CHSY1: variants seen among roughly 807,000 people sequenced by gnomAD.
The protein encoded by CHSY1 is chondroitin sulfate synthase 1, also known as N-acetylgalactosaminyl-proteoglycan 3-beta-glucuronosyltransferase 1.
CHSY1 carries 13 observed loss-of-function variants against 59.8 expected under a neutral mutation model. The observed-to-expected ratio is 0.22, with a 90% CI of 0.14 to 0.35. CHSY1 has a LOEUF of 0.35. Among genes scored for constraint, CHSY1 ranks in the 10% least tolerant of loss-of-function variants. The pLI, the probability that CHSY1 is intolerant of heterozygous loss-of-function variation, is 1.00. For missense variants in CHSY1, 947 were observed against 1,030.6 expected (o/e 0.92, Z 1.11); for synonymous variants, 459 against 401.2 (o/e 1.14, Z -1.72).
intron 2 of CHSY1, 68 bp downstream of exon 2, chr15:101,235,014 T>C: frequency 6.3e-7 from 1 of 1,581,078 alleles, no homozygotes; most frequent in Non-Finnish European, 8.6e-7. Flanking sequence ...TTTCCTATGA[T>C]ACGCTCAGAA....
chr15:101,183,877 C>T lies in CHSY1; in HGVS notation c.817-4897G>A, dbSNP rs141419044. ...AGGAAACAGCTGATGATGACAGACA[C>T]GATATGTTACACATGGTAAACGGCA... On this transcript the variant is annotated intron_variant, in intron 2 of 2. Coordinates refer to ENST00000254190, the MANE Select transcript of CHSY1 (RefSeq NM_014918.5). 4.9e-4 allele frequency among the ~76,000 whole-genome samples: 74 copies of T among 152,294 alleles called. 1 individual carries two copies. Among genetic ancestry groups the T allele is most frequent in the South Asian group, 1.9e-3 (9 of 4,830 alleles).
At chr15:101,231,835 A>G (rs534935355) in intron 2 of CHSY1, among the ~76,000 whole-genome samples, 2 of 152,200 alleles carry the variant, frequency 1.3e-5, no homozygotes, top group Non-Finnish European at 2.9e-5. Flanking sequence ...ATGAATTCCT[A>G]TTTCAAAATT....
intron 2 of CHSY1, among the ~76,000 whole-genome samples, chr15:101,190,820 A>C (rs1178040454): frequency 6.6e-6 from 1 of 152,270 alleles, no homozygotes; most frequent in Non-Finnish European, 1.5e-5. Flanking sequence ...CAGATGGTAG[A>C]AAAAAGCATG....
intron 2 of CHSY1, among the ~76,000 whole-genome samples, chr15:101,185,596 C>T (rs1482334416): frequency 6.6e-6 from 1 of 152,060 alleles, no homozygotes; most frequent in Non-Finnish European, 1.5e-5. Context: ...CATGTGACCA[C>T]ATCAAGAGAT....
Position 101,178,327 on chromosome 15 carries a change from T to C in CHSY1, c.1470A>G (p.Ala490=), listed in dbSNP as rs750680484. 6.2e-7 allele frequency: 1 copy of C among 1,608,408 alleles called. No homozygotes were observed. The highest frequency in any genetic ancestry group is 1.7e-5 in the Admixed American group (1 of 59,790). The part of the protein sequence containing the change: ...IQFVEHEELD[A]QELAKRINQE... ...GATTGATTCTCTTGGCCAACTCTTGTGCATCCAGCTCCTCATGCTCCACAA... is the reference window on the plus strand; with the variant it reads ...GATTGATTCTCTTGGCCAACTCTTGCGCATCCAGCTCCTCATGCTCCACAA... The change falls in exon 3 of 3, where the codon GCA becomes GCG. Residue 490 remains alanine, a synonymous_variant. Transcript: ENST00000254190.
At chr15:101,198,353 C>T (rs1367777626) in intron 2 of CHSY1, among the ~76,000 whole-genome samples, 1 of 152,270 alleles carries the variant, frequency 6.6e-6, no homozygotes, top group Admixed American at 6.5e-5. Flanking sequence ...AAAGCCATCC[C>T]GTTACTGGAC....
In CHSY1 at chr15:101,235,516, A is replaced by T. The variant is rs377679360; in HGVS notation, c.382T>A (p.Ser128Thr). 3.3e-5 allele frequency: 54 copies of T among 1,613,804 alleles called. No homozygotes were observed. The highest frequency in any genetic ancestry group is 4.2e-5 in the Non-Finnish European group (50 of 1,179,990). The part of the protein sequence containing the change: ...QFFSSEGSDT[S>T]VPIPVVPLRG... ...AGTGGCACTACTGGAATTGGTACAG[A>T]TGTGTCAGAACCCTCACTTGAGAAG... Residue 128 changes from serine to threonine, a missense_variant, in exon 2 of 3, where the codon TCT becomes ACT. This residue lies in a region of CHSY1 where 232 missense variants were observed against 188.5 expected (regional missense o/e 1.23). Coordinates refer to ENST00000254190, the MANE Select transcript of CHSY1 (RefSeq NM_014918.5).
At chr15:101,226,505 T>C (rs1046206368) in intron 2 of CHSY1, among the ~76,000 whole-genome samples, 9 of 152,328 alleles carry the variant, frequency 5.9e-5, no homozygotes, top group Middle Eastern at 3.4e-3. Flanking sequence ...CAGGCCTATT[T>C]GTGCCCAAAC....
intron 2 of CHSY1, among the ~76,000 whole-genome samples, chr15:101,181,092 C>T (rs1035712340): frequency 1.3e-5 from 2 of 152,222 alleles, no homozygotes; most frequent in African/African-American, 4.8e-5. Flanking sequence ...AAGACGCTCC[C>T]AGGGTCTGGG....
Position 101,251,333 on chromosome 15 carries a change from G to A in CHSY1, c.124C>T (p.Arg42Cys). ...GACCGGCAGCCCTCGGGGCTGGCGC[G>A]GCGCCGTGGGCCCGCTCGCTTCAGC... The part of the protein sequence containing the change: ...SELKRAGPRR[R>C]ASPEGCRSGQ... Residue 42 changes from arginine to cysteine, a missense_variant, in exon 1 of 3, where the codon CGC becomes TGC. Coordinates refer to ENST00000254190, the MANE Select transcript of CHSY1 (RefSeq NM_014918.5). 2 of 1,129,390 alleles carry A rather than the reference G, an allele frequency of 1.8e-6. No homozygotes were observed. The highest frequency in any genetic ancestry group is 2.2e-6 in the Non-Finnish European group (2 of 911,058). The allele number at this position is 1,129,390 out of a possible 1,614,324, so 70.0% of individuals were successfully genotyped here.
At chr15:101,223,215 G>A (rs1330180916) in intron 2 of CHSY1, among the ~76,000 whole-genome samples, 3 of 152,092 alleles carry the variant, frequency 2.0e-5, no homozygotes, top group Non-Finnish European at 2.9e-5. Flanking sequence ...GGCTGGTCCC[G>A]AACTCCTGAT....
intron 2 of CHSY1, among the ~76,000 whole-genome samples, chr15:101,183,857 A>G (rs2038314661): frequency 6.6e-6 from 1 of 152,232 alleles, no homozygotes; most frequent in South Asian, 2.1e-4. Context: ...ACAGAAGGAA[A>G]CAGCTGATGA....
Position 101,177,656 on chromosome 15 carries a change from T to A in CHSY1, c.2141A>T (p.Gln714Leu). 2 of 1,614,196 alleles carry A rather than the reference T, an allele frequency of 1.2e-6. No individual in the cohort carries two copies. Among genetic ancestry groups the A allele is most frequent in the Non-Finnish European group, 1.7e-6 (2 of 1,180,022 alleles). The change falls in exon 3 of 3, where the codon CAA (glutamine) becomes CTA (leucine). Residue 714 changes from glutamine to leucine, a missense_variant. Gln to Leu is a moderately radical substitution (Grantham distance 113). Transcript: ENST00000254190. Reference sequence around the variant, plus strand: ...GTCCACATCCTCCAGCCCCCAGCCTTGGATGGAAACATCAAAGCCACCCAC... The same window carrying A: ...GTCCACATCCTCCAGCCCCCAGCCTAGGATGGAAACATCAAAGCCACCCAC... ...VRVGGFDVSI[Q>L]GWGLEDVDLF...
chr15:101,234,968 AC>A, intron 2 of CHSY1, 113 bp downstream of exon 2: 1 of 1,366,316 alleles, frequency 7.3e-7, no homozygotes, highest in Non-Finnish European at 1.0e-6. Flanking sequence ...GTAGAATAAT[AC>A]CAACTTCAAC....
chr15:101,210,939 A>G (rs2038675988), intron 2 of CHSY1, among the ~76,000 whole-genome samples: 1 of 152,244 alleles, frequency 6.6e-6, no homozygotes, highest in Admixed American at 6.5e-5. Context: ...GAAACAGATG[A>G]TAAGATGTAG....
At chr15:101,185,041 C>A (rs2038337140) in intron 2 of CHSY1, among the ~76,000 whole-genome samples, 1 of 152,220 alleles carries the variant, frequency 6.6e-6, no homozygotes, top group African/African-American at 2.4e-5. Flanking sequence ...AGTACCTCCA[C>A]CTTAACCAAG....
intron 1 of CHSY1, among the ~76,000 whole-genome samples, chr15:101,245,205 T>C (rs2039038595): frequency 6.6e-6 from 1 of 152,190 alleles, no homozygotes; most frequent in Non-Finnish European, 1.5e-5. Flanking sequence ...CTTCCCTCCA[T>C]GTCCCTGCCC....
intron 2 of CHSY1, chr15:101,186,756 C>T (rs533307958): frequency 2.6e-5 from 4 of 152,214 alleles, no homozygotes; most frequent in South Asian, 2.1e-4. Flanking sequence ...GAGCCATGAT[C>T]GCACTACTGC....
intron 2 of CHSY1, among the ~76,000 whole-genome samples, chr15:101,180,068 C>T (rs2038255072): frequency 6.6e-6 from 1 of 152,234 alleles, no homozygotes. Flanking sequence ...GGATGACACG[C>T]ATTCTGGCTG....
Sources: allele counts gnomAD v4.1 joint callset (sites outside exome capture counted in the v4.1 genomes callset), GRCh38; gene constraint gnomAD v4.1.1; regional missense constraint gnomAD v4.1.1; transcripts MANE v1.5; gene names NCBI Gene and HGNC (gene_info 2026-07-23, HGNC 2026-07-21).